Variants in FOXP1 observed in about 807,000 individuals in gnomAD.
FOXP1 encodes forkhead box P1, also known as forkhead box protein P1.
Under a neutral mutation model 98.2 loss-of-function variants are expected in FOXP1, and 15 were observed. The observed-to-expected ratio is 0.15, with a 90% CI of 0.10 to 0.24. FOXP1 has a LOEUF of 0.24. FOXP1 is among the 10% of genes least tolerant of loss of function. The pLI, the probability that FOXP1 is intolerant of heterozygous loss-of-function variation, is 1.00. For missense variants in FOXP1, 633 were observed against 848.5 expected, an observed-to-expected ratio of 0.75 and a Z score of 3.15; for synonymous variants, 371 against 314.5, an observed-to-expected ratio of 1.18 and a Z score of -1.90.
At chr3:71,182,021 C>A (rs866579927) in intron 6 of FOXP1, among the ~76,000 whole-genome samples, 1 of 134,500 alleles carries the variant, frequency 7.4e-6, no homozygotes, top group Admixed American at 8.1e-5. Context: ...GGTGACAGAG[C>A]GAGACTCCAT....
intron 9 of FOXP1, among the ~76,000 whole-genome samples, chr3:71,050,224 C>G (rs2049675362): frequency 6.6e-6 from 1 of 152,142 alleles, no homozygotes; most frequent in South Asian, 2.1e-4. Flanking sequence ...GGAGAGGTAA[C>G]TTTTATCCTT....
chr3:71,195,405 C>T (rs1408007914), intron 6 of FOXP1, among the ~76,000 whole-genome samples: 1 of 152,144 alleles, frequency 6.6e-6, no homozygotes, highest in African/African-American at 2.4e-5. Context: ...TAAAAACTCT[C>T]CCCGTATCCT....
At chr3:71,536,057 C>T (rs1041057743) in intron 2 of FOXP1, among the ~76,000 whole-genome samples, 1 of 152,078 alleles carries the variant, frequency 6.6e-6, no homozygotes, top group African/African-American at 2.4e-5. Flanking sequence ...AGGTAGTCTG[C>T]AGGGAGGGAG....
chr3:71,068,653 C>T (rs1318857930), intron 7 of FOXP1, among the ~76,000 whole-genome samples: 1 of 152,202 alleles, frequency 6.6e-6, no homozygotes, highest in African/African-American at 2.4e-5. Flanking sequence ...TAACACAACA[C>T]ACATTTTCTT....
intron 7 of FOXP1, 108 bp from the exon 8 acceptor site, chr3:71,053,881 C>G: frequency 1.3e-5 from 15 of 1,127,502 alleles, no homozygotes; most frequent in Non-Finnish European, 2.0e-5. Context: ...TGACCAATTT[C>G]CCATGCAACA....
rs1407027566 is a variant in FOXP1, at chr3:71,569,053, T to C, written c.-298+12496A>G. Among the ~76,000 whole-genome samples the C allele has an allele frequency of 4.6e-5, 7 of 152,218 alleles. No individual in the cohort carries two copies. In the East Asian group the frequency reaches 9.6e-4, roughly 21 times the overall value. ...TACACTCTATGAGACCTGGTTGTCC[T>C]AGATTCTCAAAAATTTTTATTTAAT... On this transcript the variant is annotated intron_variant, in intron 2 of 20. Coordinates refer to ENST00000649528, the MANE Select transcript of FOXP1 (RefSeq NM_001349338.3).
At chr3:71,518,434 G>A (rs1232938796) in intron 2 of FOXP1, among the ~76,000 whole-genome samples, 3 of 152,140 alleles carry the variant, frequency 2.0e-5, no homozygotes, top group African/African-American at 4.8e-5. Flanking sequence ...GCCCTCTAGG[G>A]AATTATCATC....
chr3:71,436,919 C>G (rs1196959303), intron 3 of FOXP1, among the ~76,000 whole-genome samples: 1 of 152,144 alleles, frequency 6.6e-6, no homozygotes, highest in Non-Finnish European at 1.5e-5. Flanking sequence ...CTGATCAACA[C>G]AATTCCATTT....
intron 4 of FOXP1, among the ~76,000 whole-genome samples, chr3:71,314,307 G>A (rs1435974853): frequency 2.0e-5 from 3 of 152,080 alleles, no homozygotes; most frequent in Non-Finnish European, 2.9e-5. Flanking sequence ...GAGGTGGGCG[G>A]ATCTCAAGGT....
chr3:71,064,759 A>G lies in FOXP1; in HGVS notation c.283-10986T>C, dbSNP rs1228336920. On this transcript the variant is annotated intron_variant, in intron 7 of 20. Coordinates refer to ENST00000649528, the MANE Select transcript of FOXP1 (RefSeq NM_001349338.3). ...TGCCTTCCCCAGCGAGGCCCCCAGGAAGCGGGCGCCGCGGAGCCGGGGGAA... is the reference window on the plus strand; with the variant it reads ...TGCCTTCCCCAGCGAGGCCCCCAGGGAGCGGGCGCCGCGGAGCCGGGGGAA... The G allele has an allele frequency of 2.1e-5, 21 of 980,194 alleles. No homozygotes were observed. The East Asian group carries it at 2.4e-3, about 112-fold the overall frequency. The allele number at this position is 980,194 out of a possible 1,614,324, so 60.7% of individuals were successfully genotyped here.
intron 5 of FOXP1, among the ~76,000 whole-genome samples, chr3:71,292,313 A>G (rs2072840117): frequency 6.6e-6 from 1 of 152,126 alleles, no homozygotes; most frequent in Non-Finnish European, 1.5e-5. Flanking sequence ...CTCTTAATTA[A>G]AAAGTAATTT....
intron 3 of FOXP1, among the ~76,000 whole-genome samples, chr3:71,396,977 T>TACACACAC (rs1207279942): frequency 6.6e-5 from 4 of 60,272 alleles, no homozygotes; most frequent in African/African-American, 2.2e-4. Context: ...TGTATATATA[T>TACACACAC]ATATGTGTAT....
intron 2 of FOXP1, among the ~76,000 whole-genome samples, chr3:71,521,195 T>A (rs1207677202): frequency 6.6e-6 from 1 of 151,870 alleles, no homozygotes; most frequent in East Asian, 1.9e-4. Context: ...GGAAGGCCAC[T>A]GAGATATGTG....
intron 6 of FOXP1, among the ~76,000 whole-genome samples, chr3:71,131,294 TC>T (rs1281394692): frequency 6.6e-6 from 1 of 151,444 alleles, no homozygotes; most frequent in Non-Finnish European, 1.5e-5. Flanking sequence ...AGTCCTGTCT[TC>T]CGTCACCGGA....
At position 71,009,418 on chromosome 3, in the gene FOXP1, G is replaced by A. The variant is rs73119636; in HGVS notation, c.974+6131C>T. Among the ~76,000 whole-genome samples, 64 of 152,152 alleles carry A rather than the reference G, an allele frequency of 4.2e-4. 1 individual carries two copies. The highest frequency in any genetic ancestry group is 1.6e-4 in the Non-Finnish European group (11 of 68,002). On this transcript the variant is annotated intron_variant, in intron 12 of 20. Transcript: ENST00000649528. ...AATGGCAGAGCTAAGTCGAGTTGCT[G>A]TGACAGACACTGTATGGCCTGCAAT...
chr3:71,465,532 C>T (rs1056971110), intron 3 of FOXP1, among the ~76,000 whole-genome samples: 1 of 152,130 alleles, frequency 6.6e-6, no homozygotes, highest in Non-Finnish European at 1.5e-5. Flanking sequence ...GAAATCTAAC[C>T]TTGTGCACGT....
intron 6 of FOXP1, among the ~76,000 whole-genome samples, chr3:71,115,696 T>A (rs1348037765): frequency 6.6e-6 from 1 of 151,306 alleles, no homozygotes; most frequent in East Asian, 2.0e-4. Context: ...TTCAGCAAAG[T>A]GTCTTTAAGA....
intron 6 of FOXP1, among the ~76,000 whole-genome samples, chr3:71,158,727 C>CA (rs71104421): frequency 0.023 from 2,588 of 112,980 alleles, 91 homozygotes; most frequent in African/African-American, 0.079. Context: ...GCCCACAGAC[C>CA]AAAAAAAAAA....
At chr3:71,340,548 T>A (rs912803214) in intron 4 of FOXP1, among the ~76,000 whole-genome samples, 1 of 152,142 alleles carries the variant, frequency 6.6e-6, no homozygotes, top group South Asian at 2.1e-4. Flanking sequence ...TTAAAAAAAA[T>A]AAAAAGCATA....
Sources: gnomAD v4.1 joint callset for allele counts (sites outside exome capture counted in the v4.1 genomes callset) on GRCh38, gnomAD v4.1.1 for gene constraint, MANE v1.5 for transcripts, NCBI Gene and HGNC (gene_info 2026-07-23, HGNC 2026-07-21) for gene names.